Variants in SPOCK1 observed in about 807,000 individuals in gnomAD.
SPOCK1 encodes the protein SPARC (osteonectin), cwcv and kazal like domains proteoglycan 1.
SPOCK1 carries 23 observed loss-of-function variants against 55.3 expected under a neutral mutation model. The observed-to-expected ratio is 0.42, with a 90% CI of 0.30 to 0.59. The LOEUF (loss-of-function observed/expected upper bound fraction) is 0.59, where lower values mean the gene tolerates loss of function less well. Ranked by LOEUF, SPOCK1 falls within the 20% of genes least tolerant of loss-of-function variation. The pLI is 0.22. For synonymous variants in SPOCK1, 226 were observed against 221.0 expected, an observed-to-expected ratio of 1.02 and a Z score of -0.20; for missense variants, 499 against 552.5, an observed-to-expected ratio of 0.90 and a Z score of 0.97.
chr5:137,284,915 T>A (rs562493059), intron 2 of SPOCK1, among the ~76,000 whole-genome samples: 1 of 150,894 alleles, frequency 6.6e-6, no homozygotes, highest in African/African-American at 2.5e-5. Flanking sequence ...GCATGGCTCC[T>A]GGGTAGAGAT....
chr5:137,313,862 C>T (rs1757829032), intron 2 of SPOCK1, among the ~76,000 whole-genome samples: 1 of 150,024 alleles, frequency 6.7e-6, no homozygotes, highest in African/African-American at 2.5e-5. Flanking sequence ...AATGAAGAAC[C>T]CCTTTATAAA....
intron 4 of SPOCK1, among the ~76,000 whole-genome samples, chr5:137,113,997 T>C (rs1753525905): frequency 6.6e-6 from 1 of 152,162 alleles, no homozygotes; most frequent in African/African-American, 2.4e-5. Context: ...AATTTGGTTC[T>C]TATTCTACCT....
chr5:137,060,576 A>G (rs1443351374), intron 6 of SPOCK1, among the ~76,000 whole-genome samples: 1 of 152,140 alleles, frequency 6.6e-6, no homozygotes, highest in Non-Finnish European at 1.5e-5. Flanking sequence ...ACCAACCTGC[A>G]CTTATACCCC....
intron 2 of SPOCK1, among the ~76,000 whole-genome samples, chr5:137,332,379 T>C (rs1404625755): frequency 2.0e-5 from 3 of 152,162 alleles, no homozygotes; most frequent in Admixed American, 1.3e-4. Flanking sequence ...TCATCGCTCA[T>C]CTTCTCCCAC....
intron 2 of SPOCK1, chr5:137,313,668 C>CAGTGGGTTGTAGCTTGGA: frequency 5.0e-6 from 1 of 199,994 alleles, no homozygotes; most frequent in Non-Finnish European, 8.9e-6. Flanking sequence ...TCTATCCAAG[C>CAGTGGGTTGTAGCTTGGA]TACAACCCAC....
At chr5:137,425,084 C>G (rs1365049726) in intron 2 of SPOCK1, among the ~76,000 whole-genome samples, 1 of 152,168 alleles carries the variant, frequency 6.6e-6, no homozygotes, top group Non-Finnish European at 1.5e-5. Flanking sequence ...ATGAACAACA[C>G]AGTTATAAAT....
At chr5:137,384,960 G>C (rs1012826378) in intron 2 of SPOCK1, among the ~76,000 whole-genome samples, 30 of 152,142 alleles carry the variant, frequency 2.0e-4, no homozygotes, top group Non-Finnish European at 2.5e-4. Context: ...TGTAGGATGG[G>C]GGGGGCGGTG....
At chr5:137,164,757 G>A (rs947770899) in intron 3 of SPOCK1, among the ~76,000 whole-genome samples, 5 of 152,108 alleles carry the variant, frequency 3.3e-5, no homozygotes, top group Non-Finnish European at 4.4e-5. Flanking sequence ...AGGCCTTAAG[G>A]GAACATCAAC....
intron 2 of SPOCK1, among the ~76,000 whole-genome samples, chr5:137,285,081 T>C (rs941422569): frequency 1.3e-5 from 2 of 152,226 alleles, no homozygotes; most frequent in Non-Finnish European, 2.9e-5. Flanking sequence ...AATGTGCCTC[T>C]GTCCCCAGCA....
chr5:137,424,106 A>T (rs1412554894), intron 2 of SPOCK1, among the ~76,000 whole-genome samples: 1 of 152,182 alleles, frequency 6.6e-6, no homozygotes, highest in Non-Finnish European at 1.5e-5. Flanking sequence ...TAAGCCAGGC[A>T]TGGTGGCGCA....
chr5:137,325,058 C>G (rs567965007), intron 2 of SPOCK1, among the ~76,000 whole-genome samples: 3 of 151,796 alleles, frequency 2.0e-5, no homozygotes, highest in African/African-American at 7.3e-5. Flanking sequence ...TATAAACAAA[C>G]AAAAATATGT....
At chr5:137,044,267 G>C (rs1390555128) in intron 6 of SPOCK1, among the ~76,000 whole-genome samples, 1 of 152,170 alleles carries the variant, frequency 6.6e-6, no homozygotes, top group Non-Finnish European at 1.5e-5. Flanking sequence ...GGCCTTCACA[G>C]CCTTGATTCC....
rs745564276 is a variant in SPOCK1, at chr5:137,171,611, AC to A, written c.233-30918del. 2.0e-5 allele frequency among the ~76,000 whole-genome samples: 3 copies of A among 152,142 alleles called. No individual in the cohort carries two copies. In the East Asian group the frequency reaches 5.8e-4, roughly 29 times the overall value. On this transcript the variant is annotated intron_variant, in intron 3 of 10. Coordinates refer to ENST00000394945, the MANE Select transcript of SPOCK1 (RefSeq NM_004598.4). Reference sequence around the variant, plus strand: ...GTAGATATCTTCAATTTATTCTCAGACCCAAGTAGTTGTTGGGAAAAAAAAT... The same window carrying A: ...GTAGATATCTTCAATTTATTCTCAGACCAAGTAGTTGTTGGGAAAAAAAAT...
At chr5:136,999,702 G>C (rs904080126) in intron 6 of SPOCK1, among the ~76,000 whole-genome samples, 2 of 152,186 alleles carry the variant, frequency 1.3e-5, no homozygotes, top group African/African-American at 4.8e-5. Flanking sequence ...AAGGGAGACA[G>C]AGGATAGAAA....
chr5:136,996,253 T>G (rs1054719487), intron 6 of SPOCK1, among the ~76,000 whole-genome samples: 1 of 152,060 alleles, frequency 6.6e-6, no homozygotes, highest in Non-Finnish European at 1.5e-5. Context: ...AAAAATATAG[T>G]CATATATCCC....
intron 5 of SPOCK1, among the ~76,000 whole-genome samples, chr5:137,092,065 C>A (rs1753063360): frequency 6.6e-6 from 1 of 152,282 alleles, no homozygotes; most frequent in Admixed American, 6.5e-5. Context: ...CCCCATACTC[C>A]CTGCCACTCC....
chr5:137,329,879 G>A (rs528238830), intron 2 of SPOCK1, among the ~76,000 whole-genome samples: 1 of 152,142 alleles, frequency 6.6e-6, no homozygotes, highest in African/African-American at 2.4e-5. Context: ...ATGGTAGAAG[G>A]AAATGCTATT....
chr5:137,435,050 T>C (rs1289438400), intron 2 of SPOCK1, among the ~76,000 whole-genome samples: 1 of 152,232 alleles, frequency 6.6e-6, no homozygotes, highest in Non-Finnish European at 1.5e-5. Context: ...CCAATGTCAT[T>C]TCTAAGCTTA....
intron 5 of SPOCK1, among the ~76,000 whole-genome samples, chr5:137,096,870 G>A (rs891044546): frequency 3.3e-5 from 5 of 152,176 alleles, no homozygotes; most frequent in African/African-American, 9.7e-5. Flanking sequence ...TGTGGAGGAC[G>A]CTTGGCTGTC....
Sources: allele counts gnomAD v4.1 joint callset (sites outside exome capture counted in the v4.1 genomes callset), GRCh38; gene constraint gnomAD v4.1.1; transcripts MANE v1.5; gene names NCBI Gene and HGNC (gene_info 2026-07-23, HGNC 2026-07-21).